ENOSF1: variants seen among roughly 807,000 people sequenced by gnomAD.
ENOSF1 encodes the protein mitochondrial enolase superfamily member 1.
A neutral mutation model predicts 68.2 loss-of-function variants in ENOSF1; 73 were observed. The ratio of observed to expected loss-of-function variants is 1.07; its 90% CI spans 0.89 to 1.30. ENOSF1 has a LOEUF of 1.30. Among genes scored for constraint, ENOSF1 ranks in the 50% most tolerant of loss-of-function variants. The probability of loss-of-function intolerance (pLI) is 0.00; values close to 1 mark genes in which losing one functional copy is unlikely to be tolerated. For synonymous variants in ENOSF1, 223 were observed against 210.4 expected (o/e 1.06, Z -0.52); for missense variants, 589 against 554.5 (o/e 1.06, Z -0.62).
At chr18:703,664 G>A (rs549945734) in intron 2 of ENOSF1, among the ~76,000 whole-genome samples, 61 of 152,280 alleles carry the variant, frequency 4.0e-4, no homozygotes, top group African/African-American at 1.4e-3. Flanking sequence ...TTTGCTCTTC[G>A]AGACTCACCT....
chr18:692,619 G>GA, intron 5 of ENOSF1: 1 of 756,294 alleles, frequency 1.3e-6, no homozygotes, highest in Non-Finnish European at 1.6e-6. Context: ...AAGAAAGAAA[G>GA]AAAAAAAGAA....
chr18:668,020 G>A (rs1672564), downstream of ENOSF1, among the ~76,000 whole-genome samples: 7 of 73,184 alleles, frequency 9.6e-5, no homozygotes, highest in Non-Finnish European at 4.6e-5. Context: ...TTAATGCACA[G>A]AAAGTTTCCC....
chr18:690,872 A>C (rs2077086761), intron 7 of ENOSF1, 196 bp downstream of exon 7: 17 of 1,322,120 alleles, frequency 1.3e-5, no homozygotes, highest in Non-Finnish European at 1.7e-5. Context: ...ACTTCCTTTC[A>C]GCAGTGGCTG....
At chr18:664,695 A>G in the ENOSF1 span, among the ~76,000 whole-genome samples, 2 of 150,818 alleles carry the variant, frequency 1.3e-5, no homozygotes, top group Non-Finnish European at 2.9e-5. Context: ...ATGTCCCATC[A>G]ATACCTAATT....
chr18:706,698 T>C (rs1257005081), intron 1 of ENOSF1, 120 bp from the exon 2 acceptor site: 4 of 684,070 alleles, frequency 5.8e-6, no homozygotes, highest in Middle Eastern at 6.5e-4. Flanking sequence ...AGAGCTCCCA[T>C]AGAAGGAACT....
At chr18:709,236 G>C (rs537221873) in intron 1 of ENOSF1, among the ~76,000 whole-genome samples, 1 of 152,164 alleles carries the variant, frequency 6.6e-6, no homozygotes, top group African/African-American at 2.4e-5. Context: ...AGAATGCGGA[G>C]AGGGTCTTCA....
At chr18:679,765 C>T (rs947889126) in intron 11 of ENOSF1, among the ~76,000 whole-genome samples, 4 of 152,090 alleles carry the variant, frequency 2.6e-5, no homozygotes, top group African/African-American at 7.2e-5. Context: ...GGACTCTGGG[C>T]GCTCCCATCC....
chr18:674,523 A>AT (rs113915772), intron 15 of ENOSF1, 117 bp from the exon 16 acceptor site: 11,073 of 547,776 alleles, frequency 0.02, no homozygotes, highest in Non-Finnish European at 0.024. Context: ...CAATTAATTA[A>AT]TTTTTTTTTT....
chr18:667,447 GTGATGGTGA>G (rs1163896808), downstream of ENOSF1, among the ~76,000 whole-genome samples: 43 of 1,100 alleles, frequency 0.039, 13 homozygotes, highest in East Asian at 0.14. Context: ...GATGGTGATG[GTGATGGTGA>G]TGATGGAGAT....
intron 2 of ENOSF1, 148 bp downstream of exon 2, chr18:706,322 C>CTG (rs1555673222): frequency 1.7e-6 from 1 of 575,070 alleles, no homozygotes; most frequent in South Asian, 2.5e-5. Context: ...AACCATGAAA[C>CTG]TTTTTACTCA....
chr18:677,697 A>G (rs754409335), intron 13 of ENOSF1, 46 bp downstream of exon 13: 33 of 1,585,852 alleles, frequency 2.1e-5, no homozygotes, highest in Admixed American at 1.8e-5. Flanking sequence ...GTGTCTGATT[A>G]GTGGGGAAAT....
rs190420438 is a variant in ENOSF1 at position 710,088 on chromosome 18, A to C, written c.84+2416T>G. On this transcript the variant is annotated intron_variant, in intron 1 of 15. Transcript: ENST00000647584. ...TCACTCAGGCCCAGAGGCAAATTCC[A>C]TTTCTTGAATTATTCTACAGTAAAC... 2.0e-5 allele frequency among the ~76,000 whole-genome samples: 3 copies of C among 152,236 alleles called. No homozygotes were observed. The East Asian group carries it at 5.8e-4, about 29-fold the overall frequency.
In ENOSF1 at chr18:671,172, T is replaced by G. The variant is rs2075028132; in HGVS notation, c.*3133A>C. The G allele has an allele frequency of 1.6e-6, 1 of 611,592 alleles. No individual in the cohort carries two copies. Among genetic ancestry groups the G allele is most frequent in the East Asian group, 2.8e-5 (1 of 36,236 alleles). 37.9% of individuals were successfully genotyped at this position (611,592 alleles called of 1,614,324 possible). A position where few individuals can be genotyped will look rare whatever the true frequency, so the allele number is the denominator to read the frequency against. ...CTGTAATCCCAGCACTTTGGGAGAC[T>G]GAGACAGGAGCAATTGCTTGAGGTC... On this transcript the variant is annotated 3_prime_UTR_variant, in exon 16 of 16. Coordinates refer to ENST00000647584, the MANE Select transcript of ENOSF1 (RefSeq NM_017512.7).
At chr18:694,421 T>C (rs1598705991) in intron 3 of ENOSF1, 87 bp from the exon 4 acceptor site, 3 of 1,279,888 alleles carry the variant, frequency 2.3e-6, no homozygotes, top group South Asian at 1.3e-5. Flanking sequence ...ACCCAGGACT[T>C]TGGGACCAAG....
At chr18:690,661 G>T in intron 7 of ENOSF1, 30 bp from the exon 8 acceptor site, 1 of 1,598,230 alleles carries the variant, frequency 6.3e-7, no homozygotes, top group Non-Finnish European at 8.5e-7. Flanking sequence ...TCAACATTTT[G>T]CACTTTCCAG....
rs935161142 is a variant in ENOSF1 at position 670,563 on chromosome 18, A to G, written c.*3742T>C. ...CAGAGGCTGTTATGGACATCACTGCAGCCCAGTGGCTCTCTCTCCTGGTCT... is the reference window on the plus strand; with the variant it reads ...CAGAGGCTGTTATGGACATCACTGCGGCCCAGTGGCTCTCTCTCCTGGTCT... On this transcript the variant is annotated 3_prime_UTR_variant, in exon 16 of 16. Coordinates refer to ENST00000647584, the MANE Select transcript of ENOSF1 (RefSeq NM_017512.7). The G allele has an allele frequency of 4.2e-6, 4 of 948,722 alleles. No homozygotes were observed. The African/African-American group carries it at 6.5e-5, about 16-fold the overall frequency. 58.8% of individuals were successfully genotyped at this position (948,722 alleles called of 1,614,324 possible).
At chr18:687,175 T>C (rs1158106247) in intron 9 of ENOSF1, 4 of 151,860 alleles carry the variant, frequency 2.6e-5, no homozygotes, top group Non-Finnish European at 5.9e-5. Flanking sequence ...TTCAGAGAGG[T>C]TGAGTAATTG....
At chr18:683,907 TTAATATTTA>T in intron 10 of ENOSF1, among the ~76,000 whole-genome samples, 1 of 152,166 alleles carries the variant, frequency 6.6e-6, no homozygotes, top group South Asian at 2.1e-4. Context: ...TTTGTTCCAT[TTAATATTTA>T]TAATAACTGG....
At chr18:682,729 A>AG (rs1215473182) in intron 11 of ENOSF1, among the ~76,000 whole-genome samples, 1 of 150,866 alleles carries the variant, frequency 6.6e-6, no homozygotes, top group Non-Finnish European at 1.5e-5. Flanking sequence ...AAAAAAAAAA[A>AG]AAAAAAAGCC....
Sources: gnomAD v4.1 joint callset for allele counts (sites outside exome capture counted in the v4.1 genomes callset) on GRCh38, gnomAD v4.1.1 for gene constraint, MANE v1.5 for transcripts, NCBI Gene and HGNC (gene_info 2026-07-23, HGNC 2026-07-21) for gene names.